NEURL1B: variants seen among roughly 807,000 people sequenced by gnomAD.
NEURL1B encodes the protein neuralized E3 ubiquitin protein ligase 1B.
A neutral mutation model predicts 37.4 loss-of-function variants in NEURL1B; 13 were observed. That is an observed-to-expected ratio of 0.35 (90% confidence interval 0.23 to 0.55). NEURL1B has a LOEUF of 0.55. Ranked by LOEUF, NEURL1B falls within the 20% of genes least tolerant of loss-of-function variation. The pLI, the probability that NEURL1B is intolerant of heterozygous loss-of-function variation, is 0.89. For synonymous variants in NEURL1B, 432 were observed against 426.6 expected (o/e 1.01, Z -0.16); for missense variants, 790 against 879.2 (o/e 0.90, Z 1.28).
At chr5:172,656,693 GC>G in intron 1 of NEURL1B, 1 of 1,442,164 alleles carries the variant, frequency 6.9e-7, no homozygotes, top group Non-Finnish European at 9.6e-7. Context: ...GCTTCTTCTT[GC>G]CACCTTCGCG....
rs867133810 is a variant in NEURL1B, at chr5:172,683,973, C to G, written c.1132C>G (p.Pro378Ala). 2 of 1,319,924 alleles carry G rather than the reference C, an allele frequency of 1.5e-6. No individual in the cohort carries two copies. Among genetic ancestry groups the G allele is most frequent in the South Asian group, 1.8e-5 (1 of 55,352 alleles). 81.8% of individuals were successfully genotyped at this position (1,319,924 alleles called of 1,614,324 possible). Reference protein sequence around the residue: ...YWVVARAGPVPSGGDALSFTL... With the variant: ...YWVVARAGPVASGGDALSFTL... ...GGTGGTGGCGCGCGCCGGGCCCGTG[C>G]CGAGCGGCGGCGACGCGCTCAGCTT... is the stretch of plus-strand genomic sequence containing the variant. The change falls in exon 3 of 5, where the codon CCG (proline) becomes GCG (alanine). Residue 378 changes from proline (P) to alanine (A), a missense_variant. By Grantham distance (27) the Pro-to-Ala change is conservative. This residue lies in a region of NEURL1B where 460 missense variants were observed against 407.4 expected (regional missense o/e 1.13). Transcript: ENST00000369800. This position sits in a 1 kb window ranked among gnomAD's most constrained non-coding sequence, Gnocchi z 5.6.
rs376431280 is a variant in NEURL1B, at chr5:172,670,059, C to G, written c.306C>G (p.Thr102=). 3.8e-5 allele frequency: 58 copies of G among 1,519,942 alleles called. No individual in the cohort carries two copies. Among genetic ancestry groups the G allele is most frequent in the Non-Finnish European group, 4.9e-5 (56 of 1,139,846 alleles). 94.2% of individuals were successfully genotyped at this position (1,519,942 alleles called of 1,614,324 possible). Residue 102 remains threonine, a synonymous_variant, in exon 2 of 5, where the codon ACC becomes ACG. Transcript: ENST00000369800. The part of the protein sequence containing the change: ...GWSGALRFGF[T]AHDPSLMSAQ... ...GCGGCGCGCTGCGCTTCGGCTTCAC[C>G]GCGCACGATCCGTCGCTCATGAGCG...
chr5:172,670,527 TAGAG>T (rs1561648315), intron 2 of NEURL1B, among the ~76,000 whole-genome samples, 197 bp downstream of exon 2: 1 of 152,256 alleles, frequency 6.6e-6, no homozygotes, highest in African/African-American at 2.4e-5. Flanking sequence ...AACTGAGGCA[TAGAG>T]AGGTTAAATC....
intron 1 of NEURL1B, among the ~76,000 whole-genome samples, chr5:172,650,887 G>A (rs967338976): frequency 7.2e-5 from 11 of 152,158 alleles, no homozygotes; most frequent in Non-Finnish European, 1.6e-4. Flanking sequence ...GTGCTTTGGC[G>A]GGAGTCAGGG....
intron 1 of NEURL1B, among the ~76,000 whole-genome samples, chr5:172,648,598 G>A (rs1001709162): frequency 6.6e-5 from 10 of 152,224 alleles, no homozygotes; most frequent in Admixed American, 5.2e-4. Flanking sequence ...CAGCTAGAGG[G>A]AAGGAACGTC....
intron 1 of NEURL1B, among the ~76,000 whole-genome samples, chr5:172,667,275 TAAAAA>T (rs55663413): frequency 2.2e-4 from 16 of 72,288 alleles, no homozygotes; most frequent in African/African-American, 9.7e-4. Context: ...CTGTCTCTAC[TAAAAA>T]AAAAAAAAAA....
intron 2 of NEURL1B, 56 bp downstream of exon 2, chr5:172,670,386 GGT>G: frequency 7.8e-7 from 1 of 1,289,886 alleles, no homozygotes; most frequent in Non-Finnish European, 9.9e-7. Flanking sequence ...TTTGCGCGTG[GGT>G]GTGTGTTTCA....
chr5:172,649,110 CA>C (rs1332941553), intron 1 of NEURL1B, among the ~76,000 whole-genome samples: 1 of 152,146 alleles, frequency 6.6e-6, no homozygotes, highest in Non-Finnish European at 1.5e-5. Context: ...CCAATTCAAC[CA>C]AAGGAGGAAC....
At chr5:172,670,441 G>A (rs1758101320) in intron 2 of NEURL1B, 111 bp downstream of exon 2, 2 of 858,588 alleles carry the variant, frequency 2.3e-6, no homozygotes, top group South Asian at 4.0e-5. Context: ...TTTGCCAGGC[G>A]TGGCACTAAG....
Position 172,683,427 on chromosome 5 carries a change from T to G in NEURL1B, c.586T>G (p.Phe196Val), listed in dbSNP as rs750736623. 5.3e-5 allele frequency: 74 copies of G among 1,402,690 alleles called. No homozygotes were observed. Among genetic ancestry groups the G allele is most frequent in the Non-Finnish European group, 6.5e-6 (7 of 1,074,520 alleles). 86.9% of individuals were successfully genotyped at this position (1,402,690 alleles called of 1,614,324 possible). A position where few individuals can be genotyped will look rare whatever the true frequency, so the allele number is the denominator to read the frequency against. Residue 196 changes from phenylalanine to valine, a missense_variant, in exon 3 of 5, where the codon TTC becomes GTC. By Grantham distance (50) the Phe-to-Val change is conservative. Around this residue, in one of 3 missense-constraint regions of NEURL1B, gnomAD observed 460 missense variants for 407.4 expected, o/e 1.13. Coordinates refer to ENST00000369800, the MANE Select transcript of NEURL1B (RefSeq NM_001142651.3). This position sits in a 1 kb window ranked among gnomAD's most constrained non-coding sequence, Gnocchi z 5.6. Reference protein sequence around the residue: ...TDEVQLLESAFADTLTPARLS... With the variant: ...TDEVQLLESAVADTLTPARLS... The stretch of plus-strand genomic sequence containing the variant: ...TCCCTTTGTCCGCACAGAGAGCGCC[T>G]TCGCTGACACGCTGACGCCCGCGCG...
In NEURL1B at chr5:172,683,882, G is replaced by C. The variant is rs567050419; in HGVS notation, c.1041G>C (p.Pro347=). 19 of 1,408,694 alleles carry C rather than the reference G, an allele frequency of 1.3e-5. No homozygotes were observed. The South Asian group carries it at 1.4e-4, about 10-fold the overall frequency. 87.3% of individuals were successfully genotyped at this position (1,408,694 alleles called of 1,614,324 possible). Residue 347 remains proline (P), a synonymous_variant, in exon 3 of 5, where the codon CCG becomes CCC. Transcript: ENST00000369800. This position sits in a 1 kb window ranked among gnomAD's most constrained non-coding sequence, Gnocchi z 5.6. ...ALAFGITSCD[P]GVLRPNELPA... is the part of the protein sequence containing the mutation. ...CCTTCGGCATCACGTCGTGCGACCC[G>C]GGCGTGCTACGGCCCAACGAGCTGC... is the stretch of plus-strand genomic sequence containing the variant.
intron 2 of NEURL1B, among the ~76,000 whole-genome samples, chr5:172,670,643 T>C (rs1046371908): frequency 6.8e-6 from 1 of 147,212 alleles, no homozygotes; most frequent in African/African-American, 2.5e-5. Flanking sequence ...GTTTATTTGC[T>C]CATTCATTCA....
chr5:172,642,327 CTG>C lies in NEURL1B; in HGVS notation c.31+891_31+892del, dbSNP rs1402893549. 2.0e-5 allele frequency among the ~76,000 whole-genome samples: 3 copies of C among 152,206 alleles called. No individual in the cohort carries two copies. In the East Asian group the frequency reaches 5.8e-4, roughly 29 times the overall value. On this transcript the variant is annotated intron_variant, in intron 1 of 4. Transcript: ENST00000369800. ...GTCACACAGCTAGTAGTGGGAGAAT[CTG>C]GAGTGGGACCTGTGTCTCTCTGCCC...
rs111648742 is a variant in NEURL1B at position 172,657,654 on chromosome 5, C to T, written c.32-12131C>T. 0.035 allele frequency among the ~76,000 whole-genome samples: 5,308 copies of T among 152,096 alleles called. 160 individuals carry two copies. The highest frequency in any genetic ancestry group is 0.076 in the African/African-American group (3,153 of 41,484). On this transcript the variant is annotated intron_variant, in intron 1 of 4. Coordinates refer to ENST00000369800, the MANE Select transcript of NEURL1B (RefSeq NM_001142651.3). The surrounding 1 kb of genome is among the most constrained non-coding windows in gnomAD (Gnocchi z 4.0). ...TGAGGGCTCCTTGGTCAAGTGGTAA[C>T]GCCGGTGTCTGGGAAGGCACCTGTT...
At chr5:172,667,018 G>A (rs1053838990) in intron 1 of NEURL1B, among the ~76,000 whole-genome samples, 3 of 152,006 alleles carry the variant, frequency 2.0e-5, no homozygotes, top group Non-Finnish European at 2.9e-5. Flanking sequence ...ATCAAGCCTG[G>A]TGTGTGCTGA....
chr5:172,652,283 C>T (rs903374303), intron 1 of NEURL1B, among the ~76,000 whole-genome samples: 1 of 152,254 alleles, frequency 6.6e-6, no homozygotes, highest in East Asian at 1.9e-4. Flanking sequence ...AGCTACCATG[C>T]AGGCCACACC....
rs545983507 is a variant in NEURL1B, at chr5:172,654,432, C to T, written c.31+12995C>T. Among the ~76,000 whole-genome samples the T allele has an allele frequency of 2.2e-3, 333 of 152,300 alleles. 2 individuals are homozygous for T. Among genetic ancestry groups the T allele is most frequent in the African/African-American group, 7.5e-3 (312 of 41,548 alleles). ...GTCCTGAAGGGAGCTCCTCCTAGGT[C>T]TGGTGAGACCTTTGCGTGGTAATTA... On this transcript the variant is annotated intron_variant, in intron 1 of 4. Coordinates refer to ENST00000369800, the MANE Select transcript of NEURL1B (RefSeq NM_001142651.3).
In NEURL1B at chr5:172,683,994, A is replaced by T; in HGVS notation, c.1153A>T (p.Ser385Cys). ...CGTGCCGAGCGGCGGCGACGCGCTC[A>T]GCTTCACGCTGCGGCCCGGCGGCGA... Reference protein sequence around the residue: ...GPVPSGGDALSFTLRPGGDVL... With the variant: ...GPVPSGGDALCFTLRPGGDVL... The change falls in exon 3 of 5, where the codon AGC becomes TGC. Residue 385 changes from serine (S) to cysteine (C), a missense_variant. Coordinates refer to ENST00000369800, the MANE Select transcript of NEURL1B (RefSeq NM_001142651.3). The surrounding 1 kb of genome is among the most constrained non-coding windows in gnomAD (Gnocchi z 5.6). 7.6e-7 allele frequency: 1 copy of T among 1,323,094 alleles called. No homozygotes were observed. Among genetic ancestry groups the T allele is most frequent in the Non-Finnish European group, 9.7e-7 (1 of 1,034,126 alleles). 82.0% of individuals were successfully genotyped at this position (1,323,094 alleles called of 1,614,324 possible). A position where few individuals can be genotyped will look rare whatever the true frequency, so the allele number is the denominator to read the frequency against.
chr5:172,669,736 C>T (rs1299537943), intron 1 of NEURL1B, 49 bp from the exon 2 acceptor site: 61 of 1,202,318 alleles, frequency 5.1e-5, no homozygotes, highest in African/African-American at 8.1e-5. Context: ...AATCGGGGCC[C>T]GCAGGAGTTC....
Sources: gnomAD v4.1 joint callset for allele counts (sites outside exome capture counted in the v4.1 genomes callset) on GRCh38, gnomAD v4.1.1 for gene constraint, gnomAD v4.1.1 regional missense constraint, Gnocchi (gnomAD v3.1) non-coding constraint, MANE v1.5 for transcripts, NCBI Gene and HGNC (gene_info 2026-07-23, HGNC 2026-07-21) for gene names.